Variants in TMPRSS7 observed in about 807,000 individuals in gnomAD.
TMPRSS7 encodes transmembrane serine protease 7, also known as transmembrane protease serine 7.
TMPRSS7 carries 81 observed loss-of-function variants against 95.6 expected under a neutral mutation model. That is an observed-to-expected ratio of 0.85 (90% CI 0.71 to 1.02). The LOEUF (loss-of-function observed/expected upper bound fraction) is 1.02, where lower values mean the gene tolerates loss of function less well. TMPRSS7 is among the 50% of genes least tolerant of loss of function. The pLI is 0.00. For missense variants in TMPRSS7, 945 were observed against 955.2 expected (o/e 0.99, Z 0.14); for synonymous variants, 364 against 337.8 (o/e 1.08, Z -0.85).
intron 17 of TMPRSS7, among the ~76,000 whole-genome samples, chr3:112,079,422 G>C (rs534454043): frequency 1.3e-5 from 2 of 152,316 alleles, no homozygotes; most frequent in East Asian, 3.9e-4. Flanking sequence ...AGATGATTTA[G>C]AGCAAACTTG....
chr3:112,069,174 C>G (rs905455315), intron 13 of TMPRSS7, among the ~76,000 whole-genome samples: 6 of 152,084 alleles, frequency 3.9e-5, no homozygotes, highest in Non-Finnish European at 4.4e-5. Context: ...AGATGAAGCC[C>G]ACTTGATCAT....
chr3:112,042,703 A>C (rs1397155986), intron 3 of TMPRSS7, among the ~76,000 whole-genome samples: 1 of 152,228 alleles, frequency 6.6e-6, no homozygotes, highest in Non-Finnish European at 1.5e-5. Flanking sequence ...CAATAGACTC[A>C]AAGTTAGCAA....
chr3:112,041,176 A>G (rs1203831940), intron 2 of TMPRSS7, among the ~76,000 whole-genome samples: 2 of 152,156 alleles, frequency 1.3e-5, no homozygotes, highest in Admixed American at 1.3e-4. Flanking sequence ...CCTAGAGGCA[A>G]GGTGATCAGT....
chr3:112,045,545 A>G (rs914201228), intron 4 of TMPRSS7, among the ~76,000 whole-genome samples: 1 of 152,260 alleles, frequency 6.6e-6, no homozygotes, highest in African/African-American at 2.4e-5. Context: ...GTTTTAGATT[A>G]GAATCCAACA....
chr3:112,077,104 G>A (rs2073720974), exon 16 of TMPRSS7: 1 of 1,614,072 alleles, frequency 6.2e-7, no homozygotes, highest in Non-Finnish European at 8.5e-7. Flanking sequence ...GCAGTGGGGA[G>A]AAGTGCTGGG....
chr3:112,069,904 T>C (rs1049874006), intron 13 of TMPRSS7, among the ~76,000 whole-genome samples: 1 of 152,204 alleles, frequency 6.6e-6, no homozygotes, highest in African/African-American at 2.4e-5. Context: ...TCCCTAGTTC[T>C]TTTAATTGTG....
At chr3:112,057,191 T>G (rs2073443732) in intron 10 of TMPRSS7, 60 bp downstream of exon 10, 1 of 1,241,430 alleles carries the variant, frequency 8.1e-7, no homozygotes, top group Admixed American at 1.8e-5. Context: ...CATAGCTGTG[T>G]GTTCCTTGTC....
intron 11 of TMPRSS7, among the ~76,000 whole-genome samples, chr3:112,062,467 A>G (rs1167491615): frequency 6.6e-6 from 1 of 152,190 alleles, no homozygotes. Context: ...GGAAGTCATT[A>G]GAACTACAGA....
At chr3:112,068,773 G>C (rs1431368427) in intron 13 of TMPRSS7, among the ~76,000 whole-genome samples, 1 of 152,104 alleles carries the variant, frequency 6.6e-6, no homozygotes, top group South Asian at 2.1e-4. Flanking sequence ...TGCAAATAGG[G>C]GCAATTTGAC....
exon 9 of TMPRSS7, chr3:112,050,741 G>C: frequency 6.2e-7 from 1 of 1,603,182 alleles, no homozygotes; most frequent in East Asian, 2.3e-5. Flanking sequence ...CATATTACCC[G>C]AGCTACTATC....
At chr3:112,041,897 T>C in intron 2 of TMPRSS7, 23 bp from the exon 3 acceptor site, 1 of 1,476,200 alleles carries the variant, frequency 6.8e-7, no homozygotes, top group Non-Finnish European at 9.3e-7. Flanking sequence ...AGCCTCCGAA[T>C]CTTGTTCTTT....
At chr3:112,062,419 C>G (rs573511447) in intron 11 of TMPRSS7, among the ~76,000 whole-genome samples, 2 of 152,184 alleles carry the variant, frequency 1.3e-5, no homozygotes, top group East Asian at 3.9e-4. Context: ...ACTGGAAGAG[C>G]GGCCAGGAAG....
chr3:112,062,952 G>A (rs9864383), intron 11 of TMPRSS7, among the ~76,000 whole-genome samples: 51,921 of 152,040 alleles, frequency 0.34, 9,057 homozygotes, highest in South Asian at 0.48. Context: ...GGAAAGACTA[G>A]TGGACAGGGA....
At chr3:112,069,353 G>T (rs181431423) in intron 13 of TMPRSS7, among the ~76,000 whole-genome samples, 1 of 152,208 alleles carries the variant, frequency 6.6e-6, no homozygotes, top group Non-Finnish European at 1.5e-5. Context: ...ATAAGTTAGG[G>T]AGGATTCCCT....
At chr3:112,061,989 C>A (rs988564939) in intron 11 of TMPRSS7, 66 bp downstream of exon 11, 2 of 1,303,348 alleles carry the variant, frequency 1.5e-6, no homozygotes, top group Non-Finnish European at 2.0e-6. Context: ...TTTATAATTC[C>A]AAACCGTGAG....
At chr3:112,052,871 G>C (rs2073379834) in intron 9 of TMPRSS7, among the ~76,000 whole-genome samples, 1 of 151,042 alleles carries the variant, frequency 6.6e-6, no homozygotes, top group African/African-American at 2.4e-5. Context: ...GTGTGAAAAA[G>C]AATATTGGAT....
chr3:112,048,239 CTT>C (rs1259232052), intron 7 of TMPRSS7, among the ~76,000 whole-genome samples: 4 of 152,104 alleles, frequency 2.6e-5, no homozygotes, highest in South Asian at 4.1e-4. Context: ...ATAACAGATA[CTT>C]TGTTTAATTT....
chr3:112,069,305 G>T (rs1320350001), intron 13 of TMPRSS7, among the ~76,000 whole-genome samples: 1 of 151,476 alleles, frequency 6.6e-6, no homozygotes, highest in African/African-American at 2.4e-5. Context: ...TTGTGTCTCT[G>T]CCAGGCTTTG....
intron 7 of TMPRSS7, among the ~76,000 whole-genome samples, chr3:112,049,440 C>T (rs147509150): frequency 2.6e-4 from 40 of 152,260 alleles, no homozygotes; most frequent in East Asian, 2.1e-3. Flanking sequence ...ACTACCATTG[C>T]GTAGAAGAGA....
Sources: allele counts gnomAD v4.1 joint callset (sites outside exome capture counted in the v4.1 genomes callset), GRCh38; gene constraint gnomAD v4.1.1; transcripts MANE v1.5; gene names NCBI Gene and HGNC (gene_info 2026-07-23, HGNC 2026-07-21).